The following CHAF1A variants were observed in gnomAD, a reference collection of about 807,000 sequenced individuals.
CHAF1A encodes chromatin assembly factor 1 subunit A.
CHAF1A carries 5 observed loss-of-function variants against 93.2 expected under a neutral mutation model. The observed-to-expected ratio is 0.05, with a 90% CI of 0.03 to 0.11. CHAF1A has a LOEUF of 0.11. Among genes scored for constraint, CHAF1A ranks in the 10% least tolerant of loss-of-function variants. The probability of loss-of-function intolerance (pLI) is 1.00; values close to 1 mark genes in which losing one functional copy is unlikely to be tolerated. For synonymous variants in CHAF1A, 504 were observed against 510.3 expected (o/e 0.99, Z 0.17); for missense variants, 1,102 against 1,259.9 (o/e 0.87, Z 1.90).
At chr19:4,411,938 C>T (rs567844257) in intron 3 of CHAF1A, among the ~76,000 whole-genome samples, 2 of 152,084 alleles carry the variant, frequency 1.3e-5, no homozygotes, top group South Asian at 2.1e-4. Context: ...CATGAGCCAC[C>T]GCCCCAGTCT....
chr19:4,420,194 G>A (rs1647966722), intron 4 of CHAF1A, among the ~76,000 whole-genome samples: 1 of 152,080 alleles, frequency 6.6e-6, no homozygotes. Context: ...GATGAGAGGT[G>A]GTCCTCATGC....
downstream of CHAF1A, chr19:4,447,978 C>T (rs949646646): frequency 2.0e-5 from 10 of 501,480 alleles, no homozygotes; most frequent in East Asian, 7.0e-5. Context: ...GGTGCTCCCT[C>T]GGCGTTGGCG....
At chr19:4,437,735 T>TTTCTATTTTA (rs1974310915) in intron 13 of CHAF1A, among the ~76,000 whole-genome samples, 2 of 149,058 alleles carry the variant, frequency 1.3e-5, no homozygotes, top group Non-Finnish European at 3.0e-5. Context: ...GTTTTCATCT[T>TTTCTATTTTA]TTTTATTTTA....
Position 4,442,428 on chromosome 19 carries a change from A to G in CHAF1A, c.2770+87A>G. The G allele has an allele frequency of 2.7e-6, 3 of 1,093,142 alleles. No individual in the cohort carries two copies. The South Asian group carries it at 4.2e-5, about 15-fold the overall frequency. 67.7% of individuals were successfully genotyped at this position (1,093,142 alleles called of 1,614,324 possible). On this transcript the variant is annotated intron_variant, in intron 14 of 14. Coordinates refer to ENST00000301280, the MANE Select transcript of CHAF1A (RefSeq NM_005483.3). ...CAGAGAAGGGATGGGGCTGCCTAAG[A>G]CTAGCTCCACTGTGAGCAGCCAGGA...
At chr19:4,424,200 G>A (rs1009351169) in intron 7 of CHAF1A, among the ~76,000 whole-genome samples, 1 of 152,226 alleles carries the variant, frequency 6.6e-6, no homozygotes, top group Non-Finnish European at 1.5e-5. Context: ...ACGTTTAGCT[G>A]TAAAACAACA....
chr19:4,428,144 C>T (rs1167671474), intron 7 of CHAF1A, among the ~76,000 whole-genome samples: 1 of 150,882 alleles, frequency 6.6e-6, no homozygotes, highest in Non-Finnish European at 1.5e-5. Flanking sequence ...AGGCATGAGC[C>T]ACTGCCCCTG....
intron 2 of CHAF1A, among the ~76,000 whole-genome samples, chr19:4,407,935 A>G (rs1370651743): frequency 1.3e-5 from 2 of 152,062 alleles, no homozygotes; most frequent in Non-Finnish European, 2.9e-5. Context: ...GTGACGAGCA[A>G]GACTGTCTCC....
chr19:4,419,335 G>T (rs1220162752), intron 4 of CHAF1A, among the ~76,000 whole-genome samples: 2 of 152,178 alleles, frequency 1.3e-5, no homozygotes, highest in Non-Finnish European at 2.9e-5. Flanking sequence ...CGTTTACTGA[G>T]TGTTTCCTGA....
At chr19:4,446,988 G>A, downstream of CHAF1A, 9 of 1,502,322 alleles carry the variant, frequency 6.0e-6, no homozygotes, top group South Asian at 8.1e-5. Flanking sequence ...ACCCCACCCA[G>A]TCCAGGGGCC....
At chr19:4,426,949 G>A (rs183580491) in intron 7 of CHAF1A, among the ~76,000 whole-genome samples, 80 of 151,532 alleles carry the variant, frequency 5.3e-4, no homozygotes, top group East Asian at 1.6e-3. Flanking sequence ...AAAATTAGCC[G>A]GGCGTGGTGG....
intron 4 of CHAF1A, among the ~76,000 whole-genome samples, chr19:4,421,454 T>C (rs1338919645): frequency 1.3e-5 from 2 of 152,136 alleles, no homozygotes; most frequent in East Asian, 3.9e-4. Context: ...ATTTTTCTCA[T>C]GATGGAAGGA....
chr19:4,415,371 C>T (rs1470302489), intron 3 of CHAF1A, among the ~76,000 whole-genome samples: 1 of 152,130 alleles, frequency 6.6e-6, no homozygotes, highest in Non-Finnish European at 1.5e-5. Context: ...TCTCTGGACT[C>T]ACAGCAGAGG....
At position 4,422,931 on chromosome 19, in the gene CHAF1A, G is replaced by A; in HGVS notation, c.1247+136G>A. ...TTCCTTCCCATTTCTCCTTCGTGAG[G>A]TGCCCGTGGGGCCCTGACGTGGGAG... On this transcript the variant is annotated intron_variant, in intron 5 of 14. Transcript: ENST00000301280. This position sits in a 1 kb window ranked among gnomAD's most constrained non-coding sequence, Gnocchi z 4.6. The A allele has an allele frequency of 2.4e-6, 2 of 850,430 alleles. No homozygotes were observed. Among genetic ancestry groups the A allele is most frequent in the South Asian group, 3.6e-5 (2 of 55,580 alleles). 52.7% of individuals were successfully genotyped at this position (850,430 alleles called of 1,614,324 possible). A position where few individuals can be genotyped will look rare whatever the true frequency, so the allele number is the denominator to read the frequency against.
intron 1 of CHAF1A, among the ~76,000 whole-genome samples, chr19:4,404,789 A>G (rs1426163184): frequency 3.3e-5 from 5 of 151,380 alleles, no homozygotes; most frequent in Non-Finnish European, 5.9e-5. Flanking sequence ...TAAGGTATTT[A>G]TCTAAAGACT....
Position 4,429,467 on chromosome 19 carries a change from G to T in CHAF1A, c.1634G>T (p.Gly545Val). 2 of 1,614,054 alleles carry T rather than the reference G, an allele frequency of 1.2e-6. No individual in the cohort carries two copies. The highest frequency in any genetic ancestry group is 1.7e-6 in the Non-Finnish European group (2 of 1,180,002). ...GTCGTCATCGTGGAGCGTGGGAAGG[G>T]CGACGGTGTTCCCGAGAGGAGGAAG... ...SDVVIVERGK[G>V]DGVPERRKFG... Residue 545 changes from glycine (G) to valine (V), a missense_variant, in exon 9 of 15, where the codon GGC becomes GTC. Transcript: ENST00000301280.
At chr19:4,419,393 C>A (rs1973951627) in intron 4 of CHAF1A, among the ~76,000 whole-genome samples, 3 of 151,870 alleles carry the variant, frequency 2.0e-5, no homozygotes, top group African/African-American at 7.3e-5. Context: ...GATGGCCACA[C>A]TGAGTTTTTG....
At chr19:4,431,823 C>A (rs1414977907) in intron 11 of CHAF1A, 129 bp from the exon 12 acceptor site, 2 of 1,175,874 alleles carry the variant, frequency 1.7e-6, no homozygotes, top group African/African-American at 1.5e-5. Flanking sequence ...GGCCCTGACA[C>A]TGTGGGAAGT....
chr19:4,408,169 G>T, intron 2 of CHAF1A, among the ~76,000 whole-genome samples: 1 of 150,366 alleles, frequency 6.7e-6, no homozygotes, highest in South Asian at 2.1e-4. Flanking sequence ...AGTGTACCTG[G>T]CTTCAGATAG....
At chr19:4,437,302 A>G (rs1599663060) in intron 13 of CHAF1A, among the ~76,000 whole-genome samples, 2 of 152,170 alleles carry the variant, frequency 1.3e-5, no homozygotes, top group East Asian at 3.9e-4. Flanking sequence ...GGTGGGACCC[A>G]AAGGTGGGGC....
Sources: gnomAD v4.1 joint callset for allele counts (sites outside exome capture counted in the v4.1 genomes callset) on GRCh38, gnomAD v4.1.1 for gene constraint, Gnocchi (gnomAD v3.1) non-coding constraint, MANE v1.5 for transcripts, NCBI Gene and HGNC (gene_info 2026-07-23, HGNC 2026-07-21) for gene names.